KCNK2: variants seen among roughly 807,000 people sequenced by gnomAD.
KCNK2 encodes potassium channel subfamily K member 2.
A neutral mutation model predicts 40.5 loss-of-function variants in KCNK2; 21 were observed. The ratio of observed to expected loss-of-function variants is 0.52; its 90% CI spans 0.37 to 0.75. The LOEUF (loss-of-function observed/expected upper bound fraction) is 0.75, where lower values mean the gene tolerates loss of function less well. KCNK2 is among the 30% of genes least tolerant of loss of function. KCNK2 has a pLI of 0.00. For missense variants in KCNK2, 399 were observed against 531.6 expected (o/e 0.75, Z 2.45); for synonymous variants, 191 against 202.2 (o/e 0.94, Z 0.47).
intron 5 of KCNK2, among the ~76,000 whole-genome samples, chr1:215,176,951 A>G (rs1171163894): frequency 6.6e-6 from 1 of 152,206 alleles, no homozygotes; most frequent in Non-Finnish European, 1.5e-5. Flanking sequence ...TTACATTTCC[A>G]CCAACAGTGT....
chr1:215,105,444 G>A (rs955386195), intron 2 of KCNK2, among the ~76,000 whole-genome samples: 4 of 152,068 alleles, frequency 2.6e-5, no homozygotes, highest in Non-Finnish European at 5.9e-5. Flanking sequence ...TCCATTGTAT[G>A]TCTATACCCC....
intron 5 of KCNK2, among the ~76,000 whole-genome samples, chr1:215,179,308 G>A (rs890364069): frequency 1.3e-5 from 2 of 151,650 alleles, no homozygotes; most frequent in African/African-American, 4.8e-5. Context: ...CCAACCTTTG[G>A]TTTTATTATT....
chr1:215,144,076 G>T (rs1205071784), intron 3 of KCNK2, among the ~76,000 whole-genome samples: 2 of 152,124 alleles, frequency 1.3e-5, no homozygotes, highest in Non-Finnish European at 2.9e-5. Context: ...AGAAAACCTT[G>T]TATGATATTT....
chr1:215,086,558 G>A lies in KCNK2; in HGVS notation c.237G>A (p.Val79=), dbSNP rs1558084229. 1.2e-6 allele frequency: 2 copies of A among 1,614,196 alleles called. No homozygotes were observed. Among genetic ancestry groups the A allele is most frequent in the East Asian group, 2.2e-5 (1 of 44,890 alleles). ...VVLYLIIGAT[V]FKALEQPHEI... ...TCTATCTGATCATCGGAGCCACCGT[G>A]TTCAAAGCATTGGAGCAGCCTCATG... The change falls in exon 2 of 7, where the codon GTG becomes GTA. Residue 79 remains valine, a synonymous_variant. Transcript: ENST00000444842.
chr1:215,180,446 A>G (rs1378599618), intron 5 of KCNK2, among the ~76,000 whole-genome samples: 1 of 152,036 alleles, frequency 6.6e-6, no homozygotes, highest in Non-Finnish European at 1.5e-5. Context: ...TGCTTGCTTT[A>G]TAACCTCTGT....
chr1:215,094,154 A>G (rs1659876956), intron 2 of KCNK2, among the ~76,000 whole-genome samples: 1 of 150,758 alleles, frequency 6.6e-6, no homozygotes. Context: ...TTTTTTATTT[A>G]TGGAGAGATA....
chr1:215,197,253 G>A (rs1355881960), intron 6 of KCNK2, among the ~76,000 whole-genome samples: 1 of 152,170 alleles, frequency 6.6e-6, no homozygotes, highest in Non-Finnish European at 1.5e-5. Flanking sequence ...CCAAAGTAAT[G>A]AGTCTGCTCT....
chr1:215,196,747 AT>A (rs1342086326), intron 6 of KCNK2, among the ~76,000 whole-genome samples: 1 of 152,002 alleles, frequency 6.6e-6, no homozygotes, highest in East Asian at 1.9e-4. Flanking sequence ...ATGGATGGTT[AT>A]TCTTCATGTG....
At chr1:215,092,354 A>G (rs543335797) in intron 2 of KCNK2, among the ~76,000 whole-genome samples, 1 of 152,122 alleles carries the variant, frequency 6.6e-6, no homozygotes, top group African/African-American at 2.4e-5. Flanking sequence ...GCATAATGTC[A>G]GGAGCTTAGC....
intron 2 of KCNK2, among the ~76,000 whole-genome samples, chr1:215,108,890 A>G (rs928722666): frequency 1.3e-5 from 2 of 152,036 alleles, no homozygotes; most frequent in African/African-American, 4.8e-5. Flanking sequence ...ACGTGCTAAC[A>G]TGGAGTGAAC....
At chr1:215,007,191 A>ATATG (rs1656205940) in intron 1 of KCNK2, among the ~76,000 whole-genome samples, 3 of 32,088 alleles carry the variant, frequency 9.3e-5, no homozygotes, top group African/African-American at 4.3e-4. Flanking sequence ...GTGGGTATAT[A>ATATG]TATATATATA....
At chr1:215,017,145 A>T (rs1656621227) in intron 1 of KCNK2, among the ~76,000 whole-genome samples, 1 of 152,180 alleles carries the variant, frequency 6.6e-6, no homozygotes, top group African/African-American at 2.4e-5. Context: ...GTTGGAGGGA[A>T]TGTGTATAAG....
At chr1:215,073,331 A>T (rs189270007) in intron 1 of KCNK2, among the ~76,000 whole-genome samples, 49 of 152,342 alleles carry the variant, frequency 3.2e-4, no homozygotes, top group Admixed American at 2.9e-3. Flanking sequence ...GGAAACACAG[A>T]AAGTTACTAA....
chr1:215,191,160 C>T (rs1435167569), intron 5 of KCNK2, among the ~76,000 whole-genome samples: 1 of 151,698 alleles, frequency 6.6e-6, no homozygotes, highest in African/African-American at 2.4e-5. Context: ...TGGCAGGTGC[C>T]TGTATTCCCA....
At position 215,160,907 on chromosome 1, in the gene KCNK2, C is replaced by A. The variant is rs569199285; in HGVS notation, c.476-8292C>A. On this transcript the variant is annotated intron_variant, in intron 3 of 6. Coordinates refer to ENST00000444842, the MANE Select transcript of KCNK2 (RefSeq NM_001017425.3). The stretch of plus-strand genomic sequence containing the variant: ...CCTTTGATTATTCCTCTGGGCATAT[C>A]AAAATCAACCTACTCCAAATTTGTT... 4.6e-5 allele frequency among the ~76,000 whole-genome samples: 7 copies of A among 152,194 alleles called. No homozygotes were observed. In the East Asian group the frequency reaches 1.2e-3, roughly 25 times the overall value.
chr1:215,090,137 T>G (rs1659631831), intron 2 of KCNK2, among the ~76,000 whole-genome samples: 1 of 152,312 alleles, frequency 6.6e-6, no homozygotes, highest in East Asian at 1.9e-4. Context: ...GTTTAAATTT[T>G]AAGAGCCACG....
At chr1:215,221,091 T>C (rs373209508) in intron 6 of KCNK2, among the ~76,000 whole-genome samples, 172 of 152,334 alleles carry the variant, frequency 1.1e-3, no homozygotes, top group African/African-American at 3.9e-3. Context: ...ACTACTTGGC[T>C]GGGCGCAGTG....
chr1:215,010,881 T>G (rs1656358433), intron 1 of KCNK2, among the ~76,000 whole-genome samples: 1 of 138,092 alleles, frequency 7.2e-6, no homozygotes. Flanking sequence ...TGTGTGTGTG[T>G]GTGTGTGTGT....
At chr1:215,074,934 A>T (rs560907228) in intron 1 of KCNK2, among the ~76,000 whole-genome samples, 12 of 152,342 alleles carry the variant, frequency 7.9e-5, no homozygotes, top group Admixed American at 1.3e-4. Context: ...TTATTCTGGT[A>T]TAACAGAGTA....
Sources: allele counts gnomAD v4.1 joint callset (sites outside exome capture counted in the v4.1 genomes callset), GRCh38; gene constraint gnomAD v4.1.1; transcripts MANE v1.5; gene names NCBI Gene and HGNC (gene_info 2026-07-23, HGNC 2026-07-21).